KIF21B: variants seen among roughly 807,000 people sequenced by gnomAD.
KIF21B encodes kinesin family member 21B.
A neutral mutation model predicts 192.9 loss-of-function variants in KIF21B; 85 were observed. The observed-to-expected ratio is 0.44, with a 90% confidence interval of 0.37 to 0.53. KIF21B has a LOEUF of 0.53. KIF21B is among the 20% of genes least tolerant of loss of function. The pLI is 0.00. For synonymous variants in KIF21B, 832 were observed against 884.6 expected (o/e 0.94, Z 1.05); for missense variants, 1,716 against 2,194.8 (o/e 0.78, Z 4.36).
chr1:201,004,222 C>A (rs1042342590), intron 7 of KIF21B, 118 bp downstream of exon 7: 2 of 802,702 alleles, frequency 2.5e-6, no homozygotes, highest in Non-Finnish European at 4.1e-6. Context: ...AAACCTGCAG[C>A]CTAGGATGGG....
intron 27 of KIF21B, among the ~76,000 whole-genome samples, 168 bp downstream of exon 27, chr1:200,984,691 A>T (rs1656171898): frequency 6.6e-6 from 1 of 152,136 alleles, no homozygotes; most frequent in Non-Finnish European, 1.5e-5. Context: ...TTAGTACAGG[A>T]AGGAGAGAAA....
In KIF21B at chr1:200,970,431, C is replaced by T. The variant is rs557464237; in HGVS notation, c.*3090G>A. ...GGGGCTGAAGGTGGCACTCTGACCACCTCAAAGGCTTGGGTGTGCCAGGCT... is the reference window on the plus strand; with the variant it reads ...GGGGCTGAAGGTGGCACTCTGACCATCTCAAAGGCTTGGGTGTGCCAGGCT... On this transcript the variant is annotated 3_prime_UTR_variant, in exon 35 of 35. Coordinates refer to ENST00000461742, the MANE Select transcript of KIF21B (RefSeq NM_001252102.2). 9 of 152,746 alleles carry T rather than the reference C, an allele frequency of 5.9e-5. No homozygotes were observed. In the East Asian group the frequency reaches 1.5e-3, roughly 26 times the overall value. 9.5% of individuals were successfully genotyped at this position (152,746 alleles called of 1,614,324 possible). A position where few individuals can be genotyped will look rare whatever the true frequency, so the allele number is the denominator to read the frequency against.
At chr1:201,007,892 A>G (rs1366710674) in intron 3 of KIF21B, among the ~76,000 whole-genome samples, 1 of 152,228 alleles carries the variant, frequency 6.6e-6, no homozygotes, top group African/African-American at 2.4e-5. Context: ...TCATACACAC[A>G]TAGGCAGTCC....
At position 201,000,637 on chromosome 1, in the gene KIF21B, C is replaced by A. The variant is rs779076827; in HGVS notation, c.1467-29G>T. The A allele has an allele frequency of 3.1e-6, 5 of 1,613,204 alleles. No individual in the cohort carries two copies. Among genetic ancestry groups the A allele is most frequent in the Non-Finnish European group, 4.2e-6 (5 of 1,179,652 alleles). On this transcript the variant is annotated intron_variant, in intron 10 of 34. Transcript: ENST00000461742. This position sits in a 1 kb window ranked among gnomAD's most constrained non-coding sequence, Gnocchi z 6.0. ...CACAGGAAGAACGAGTGGACGGGGC[C>A]GAGTGAGCTGCCACAGCCCTTGGCG...
chr1:200,990,520 G>T lies in KIF21B; in HGVS notation c.2835+56C>A. 1.3e-6 allele frequency: 2 copies of T among 1,586,998 alleles called. No homozygotes were observed. The highest frequency in any genetic ancestry group is 1.7e-6 in the Non-Finnish European group (2 of 1,162,308). On this transcript the variant is annotated intron_variant, in intron 19 of 34. Transcript: ENST00000461742. The surrounding 1 kb of genome is among the most constrained non-coding windows in gnomAD (Gnocchi z 5.4). ...GTCTGAAGAGCCAGAGAAGTTGGAG[G>T]TGTCAGAGGACAGGCAGAGGGGTGG...
intron 7 of KIF21B, 21 bp downstream of exon 7, chr1:201,004,319 T>G: frequency 6.5e-7 from 1 of 1,540,452 alleles, no homozygotes; most frequent in Non-Finnish European, 8.8e-7. Context: ...GTCCCTTCCC[T>G]GGGTGTTGGT....
At chr1:200,991,763 G>C in intron 16 of KIF21B, 38 bp from the exon 17 acceptor site, 1 of 1,604,398 alleles carries the variant, frequency 6.2e-7, no homozygotes, top group Non-Finnish European at 8.5e-7. Context: ...CCACACTCAG[G>C]CACCTTAGCC....
At position 200,971,052 on chromosome 1, in the gene KIF21B, G is replaced by A. The variant is rs3198583; in HGVS notation, c.*2469C>T. The A allele has an allele frequency of 0.28, 43,104 of 152,864 alleles. 6,867 individuals carry two copies. The highest frequency in any genetic ancestry group is 0.47 in the South Asian group (2,247 of 4,828). The allele number at this position is 152,864 out of a possible 1,614,324, so 9.5% of individuals were successfully genotyped here. ...GCCTGGGCCTGTCAAGTCTGCCTGC[G>A]GGACCCTGCCATTGTGCTCAAATCA... On this transcript the variant is annotated 3_prime_UTR_variant, in exon 35 of 35. Coordinates refer to ENST00000461742, the MANE Select transcript of KIF21B (RefSeq NM_001252102.2).
Position 200,979,719 on chromosome 1 carries a change from TGA to T in KIF21B, c.3980-6_3980-5del, listed in dbSNP as rs895242014. ...TTCCACATCTTGCAGCTTCGGTCTGTGAGAGATGGGAGGAAGCCACAGGGAGG... is the reference window on the plus strand; with the variant it reads ...TTCCACATCTTGCAGCTTCGGTCTGTGAGATGGGAGGAAGCCACAGGGAGG... On this transcript the variant is annotated splice_polypyrimidine_tract_variant and splice_region_variant and intron_variant, in intron 29 of 34. Coordinates refer to ENST00000461742, the MANE Select transcript of KIF21B (RefSeq NM_001252102.2). 3 of 1,505,858 alleles carry T rather than the reference TGA, an allele frequency of 2.0e-6. No individual in the cohort carries two copies. Among genetic ancestry groups the T allele is most frequent in the Admixed American group, 4.2e-5 (2 of 47,064 alleles). 93.3% of individuals were successfully genotyped at this position (1,505,858 alleles called of 1,614,324 possible).
chr1:200,988,153 C>T, intron 24 of KIF21B, 143 bp downstream of exon 24: 2 of 827,338 alleles, frequency 2.4e-6, no homozygotes, highest in Admixed American at 3.7e-5. Context: ...CAATTCCAGA[C>T]TAAATTTTCT....
Position 200,998,736 on chromosome 1 carries a change from G to A in KIF21B, c.1886-161C>T, listed in dbSNP as rs191808715. Among the ~76,000 whole-genome samples the A allele has an allele frequency of 8.9e-4, 135 of 152,198 alleles. No homozygotes were observed. Among genetic ancestry groups the A allele is most frequent in the African/African-American group, 3.1e-3 (128 of 41,508 alleles). ...ATAAATCCTAATGCAGGTAGAATGCGGCCAGAAGGAGGAACACATTTAAAG... is the reference window on the plus strand; with the variant it reads ...ATAAATCCTAATGCAGGTAGAATGCAGCCAGAAGGAGGAACACATTTAAAG... On this transcript the variant is annotated intron_variant, in intron 13 of 34. Coordinates refer to ENST00000461742, the MANE Select transcript of KIF21B (RefSeq NM_001252102.2). The surrounding 1 kb of genome is among the most constrained non-coding windows in gnomAD (Gnocchi z 4.3).
chr1:200,999,412 C>T lies in KIF21B; in HGVS notation c.1822G>A (p.Glu608Lys), dbSNP rs868484306. Residue 608 changes from glutamate to lysine, a missense_variant, in exon 13 of 35, where the codon GAA becomes AAA. Coordinates refer to ENST00000461742, the MANE Select transcript of KIF21B (RefSeq NM_001252102.2). The surrounding 1 kb of genome is among the most constrained non-coding windows in gnomAD (Gnocchi z 4.7). ...TCTTCACTGCCCGAGTCCTCATCTT[C>T]ATCCTCGCGCCCTTCCTCCTCCTCA... is the stretch of plus-strand genomic sequence containing the variant. ...GCEEEEGRED[E>K]DEDSGSEESL... 2 of 1,614,162 alleles carry T rather than the reference C, an allele frequency of 1.2e-6. No individual in the cohort carries two copies. Among genetic ancestry groups the T allele is most frequent in the Non-Finnish European group, 1.7e-6 (2 of 1,180,028 alleles).
In KIF21B at chr1:200,988,369, A is replaced by G. The variant is rs1190832952; in HGVS notation, c.3351-16T>C. On this transcript the variant is annotated splice_polypyrimidine_tract_variant and intron_variant, in intron 23 of 34. Transcript: ENST00000461742. ...CTGGGAGAAGCTGAGGAAGAAGCAG[A>G]GAGAGTTCAGGATCCTGAGGAGCCC... 1.2e-6 allele frequency: 2 copies of G among 1,613,980 alleles called. No homozygotes were observed. Among genetic ancestry groups the G allele is most frequent in the African/African-American group, 1.3e-5 (1 of 74,904 alleles).
Position 200,984,978 on chromosome 1 carries a change from G to T in KIF21B, c.3690-6C>A. 6.2e-7 allele frequency: 1 copy of T among 1,601,220 alleles called. No homozygotes were observed. ...TGAATCCCACATCTGTGGACCTGGT[G>T]AGTCGGGACAGAGGGCAGCCTGTTA... On this transcript the variant is annotated splice_region_variant and splice_polypyrimidine_tract_variant and intron_variant, in intron 26 of 34. Coordinates refer to ENST00000461742, the MANE Select transcript of KIF21B (RefSeq NM_001252102.2).
At position 200,973,444 on chromosome 1, in the gene KIF21B, G is replaced by T. The variant is rs2102363357; in HGVS notation, c.*77C>A. The T allele has an allele frequency of 5.1e-6, 7 of 1,376,326 alleles. 1 individual carries two copies. The South Asian group carries it at 1.1e-4, about 21-fold the overall frequency. The allele number at this position is 1,376,326 out of a possible 1,614,324, so 85.3% of individuals were successfully genotyped here. A position where few individuals can be genotyped will look rare whatever the true frequency, so the allele number is the denominator to read the frequency against. ...GTCCCCAGAGCAGCTGGCCCCATCG[G>T]CCGGGTCACAGCTTCCCTTCCATGG... On this transcript the variant is annotated 3_prime_UTR_variant, in exon 35 of 35. Transcript: ENST00000461742.
intron 30 of KIF21B, among the ~76,000 whole-genome samples, chr1:200,978,376 ATT>A (rs915621952): frequency 7.0e-6 from 1 of 142,640 alleles, no homozygotes; most frequent in South Asian, 2.2e-4. Flanking sequence ...TTAAGACTTT[ATT>A]TTTTTTTTTA....
intron 30 of KIF21B, among the ~76,000 whole-genome samples, chr1:200,978,329 G>A (rs1386255012): frequency 6.6e-6 from 1 of 151,908 alleles, no homozygotes; most frequent in Non-Finnish European, 1.5e-5. Context: ...GATTACAGGT[G>A]TGAGCCACTG....
At position 200,982,914 on chromosome 1, in the gene KIF21B, A is replaced by AG. The variant is rs1485786198; in HGVS notation, c.3842+141dup. ...CATGGGGGCAGGAACAGGTCTGGAGAGGGGGGCAGCAGGAAGGGGAGTGGA... is the reference window on the plus strand; with the variant it reads ...CATGGGGGCAGGAACAGGTCTGGAGAGGGGGGGCAGCAGGAAGGGGAGTGGA... On this transcript the variant is annotated intron_variant, in intron 28 of 34. Coordinates refer to ENST00000461742, the MANE Select transcript of KIF21B (RefSeq NM_001252102.2). The surrounding 1 kb of genome is among the most constrained non-coding windows in gnomAD (Gnocchi z 4.7). 18 of 747,990 alleles carry AG rather than the reference A, an allele frequency of 2.4e-5. No homozygotes were observed. The highest frequency in any genetic ancestry group is 4.1e-5 in the Admixed American group (2 of 49,244). 46.3% of individuals were successfully genotyped at this position (747,990 alleles called of 1,614,324 possible).
chr1:201,005,388 T>C lies in KIF21B; in HGVS notation c.652A>G (p.Met218Val). ...TGGGAGCGTGAGCTCTGCACGTTCA[T>C]CTGGGTGCTGGCTGTGGTGCGGGAC... ...ALSRTTASTQ[M>V]NVQSSRSHAI... Residue 218 changes from methionine (M) to valine (V), a missense_variant, in exon 5 of 35, where the codon ATG becomes GTG. Physicochemically the swap from Met to Val is conservative, Grantham distance 21 (BLOSUM62 1). Coordinates refer to ENST00000461742, the MANE Select transcript of KIF21B (RefSeq NM_001252102.2). 1.2e-6 allele frequency: 2 copies of C among 1,613,442 alleles called. No homozygotes were observed. Among genetic ancestry groups the C allele is most frequent in the Non-Finnish European group, 8.5e-7 (1 of 1,179,756 alleles).
Sources: gnomAD v4.1 joint callset for allele counts (sites outside exome capture counted in the v4.1 genomes callset) on GRCh38, gnomAD v4.1.1 for gene constraint, Gnocchi (gnomAD v3.1) non-coding constraint, MANE v1.5 for transcripts, NCBI Gene and HGNC (gene_info 2026-07-23, HGNC 2026-07-21) for gene names.